Variants in ENPP1 observed in about 807,000 individuals in gnomAD.
ENPP1 encodes the protein ectonucleotide pyrophosphatase/phosphodiesterase 1.
ENPP1 carries 73 observed loss-of-function variants against 122.8 expected under a neutral mutation model. That is an observed-to-expected ratio of 0.59 (90% CI 0.49 to 0.72). ENPP1 has a LOEUF of 0.72. Among genes scored for constraint, ENPP1 ranks in the 30% least tolerant of loss-of-function variants. ENPP1 has a pLI of 0.00. For missense variants in ENPP1, 978 were observed against 1,128.1 expected, an observed-to-expected ratio of 0.87 and a Z score of 1.91; for synonymous variants, 367 against 391.6, an observed-to-expected ratio of 0.94 and a Z score of 0.74.
In ENPP1 at chr6:131,822,288, C is replaced by T. The variant is rs1281924467; in HGVS notation, c.240+14013C>T. Among the ~76,000 whole-genome samples the T allele has an allele frequency of 2.6e-5, 4 of 152,268 alleles. No individual in the cohort carries two copies. In the East Asian group the frequency reaches 7.7e-4, roughly 29 times the overall value. Reference sequence around the variant, plus strand: ...AGCAAAGGTCTTCAGAGACAGGGTTCATGTAAAGGGTCTAAACGGGAATCA... The same window carrying T: ...AGCAAAGGTCTTCAGAGACAGGGTTTATGTAAAGGGTCTAAACGGGAATCA... On this transcript the variant is annotated intron_variant, in intron 1 of 24. Transcript: ENST00000647893.
intron 11 of ENPP1, 117 bp from the exon 12 acceptor site, chr6:131,867,901 G>A (rs920229154): frequency 1.1e-5 from 8 of 750,112 alleles, no homozygotes; most frequent in African/African-American, 5.4e-5. Context: ...CTATCTGTCT[G>A]TCTTTCTTTC....
chr6:131,820,711 GAGATGAAAAAATCAT>G (rs1781474648), intron 1 of ENPP1: 1 of 152,122 alleles, frequency 6.6e-6, no homozygotes, highest in African/African-American at 2.4e-5. Context: ...CCCCATGTTA[GAGATGAAAAAATCAT>G]GGCTCAGAGA....
intron 1 of ENPP1, among the ~76,000 whole-genome samples, chr6:131,840,454 C>T (rs1314988834): frequency 1.3e-5 from 2 of 152,162 alleles, no homozygotes; most frequent in Non-Finnish European, 1.5e-5. Flanking sequence ...TGTACTATCC[C>T]TTTGGAAGAA....
At chr6:131,877,767 A>AGGT (rs1782249158) in intron 18 of ENPP1, 1 of 134,104 alleles carries the variant, frequency 7.5e-6, no homozygotes, top group Admixed American at 8.1e-5. Flanking sequence ...TGAACCTGGG[A>AGGT]GGCGGAGGTT....
chr6:131,855,870 C>T (rs754747691), intron 6 of ENPP1, among the ~76,000 whole-genome samples: 62 of 151,366 alleles, frequency 4.1e-4, no homozygotes, highest in African/African-American at 1.4e-3. Context: ...TTTTAAATCA[C>T]GTTAACAACC....
chr6:131,822,572 A>G (rs1781495595), intron 1 of ENPP1, among the ~76,000 whole-genome samples: 1 of 151,430 alleles, frequency 6.6e-6, no homozygotes, highest in Non-Finnish European at 1.5e-5. Context: ...CTATGTGTAC[A>G]TATCACTTTT....
rs535777915 is a variant in ENPP1, at chr6:131,850,480, C to T, written c.430+374C>T. On this transcript the variant is annotated intron_variant, in intron 3 of 24. Coordinates refer to ENST00000647893, the MANE Select transcript of ENPP1 (RefSeq NM_006208.3). ...CCTATATTTTTCAAAATAAAACTATCAGAATATGAAAATTTTCTTAGTTAG... is the reference window on the plus strand; with the variant it reads ...CCTATATTTTTCAAAATAAAACTATTAGAATATGAAAATTTTCTTAGTTAG... Among the ~76,000 whole-genome samples, 78 of 152,248 alleles carry T rather than the reference C, an allele frequency of 5.1e-4. 1 individual carries two copies. The highest frequency in any genetic ancestry group is 1.8e-3 in the African/African-American group (75 of 41,556).
chr6:131,830,914 C>T (rs1017668447), intron 1 of ENPP1, among the ~76,000 whole-genome samples: 4 of 151,578 alleles, frequency 2.6e-5, no homozygotes, highest in African/African-American at 9.7e-5. Context: ...AGTTCAAGAC[C>T]AGCCGTGGCA....
rs763240008 is a variant in ENPP1 at position 131,808,153 on chromosome 6, C to G, written c.118C>G (p.Pro40Ala). Residue 40 changes from proline to alanine, a missense_variant, in exon 1 of 25, where the codon CCC (proline) becomes GCC (alanine). Physicochemically the swap from Pro to Ala is conservative, Grantham distance 27 (BLOSUM62 -1). Transcript: ENST00000647893. ...GGGCCGCAGCCACGCTGCCGAGGCG[C>G]CCGGGGACCCGCAGGCGGCCGCGTC... ...DRGRSHAAEA[P>A]GDPQAAASLL... The G allele has an allele frequency of 6.9e-7, 1 of 1,447,740 alleles. No homozygotes were observed. The allele number at this position is 1,447,740 out of a possible 1,614,324, so 89.7% of individuals were successfully genotyped here.
intron 19 of ENPP1, among the ~76,000 whole-genome samples, 161 bp from the exon 20 acceptor site, chr6:131,879,719 C>CTTAA (rs1489837105): frequency 2.0e-5 from 3 of 152,052 alleles, no homozygotes; most frequent in African/African-American, 7.2e-5. Context: ...CACTTGTCTT[C>CTTAA]TTAATTGTTT....
chr6:131,836,234 T>A (rs1781672515), intron 1 of ENPP1, among the ~76,000 whole-genome samples: 1 of 152,028 alleles, frequency 6.6e-6, no homozygotes, highest in Admixed American at 6.6e-5. Flanking sequence ...TGCCTCAGCC[T>A]CCCTAGTAGC....
chr6:131,888,626 T>C (rs919177399), intron 24 of ENPP1, among the ~76,000 whole-genome samples: 3 of 152,212 alleles, frequency 2.0e-5, no homozygotes, highest in Non-Finnish European at 2.9e-5. Flanking sequence ...ACTTTCAGAA[T>C]TACTTGTTCC....
At chr6:131,852,409 T>C (rs756023236) in intron 5 of ENPP1, among the ~76,000 whole-genome samples, 174 bp downstream of exon 5, 22 of 152,198 alleles carry the variant, frequency 1.4e-4, no homozygotes, top group Non-Finnish European at 8.8e-5. Context: ...TTTTGGACTT[T>C]TTTGGATTTT....
intron 1 of ENPP1, among the ~76,000 whole-genome samples, chr6:131,831,071 C>T (rs530985173): frequency 5.7e-5 from 8 of 141,452 alleles, no homozygotes; most frequent in South Asian, 4.6e-4. Flanking sequence ...CAAGATCATG[C>T]CACTGCACTC....
At chr6:131,872,686 G>A (rs1305968079) in intron 14 of ENPP1, among the ~76,000 whole-genome samples, 1 of 151,858 alleles carries the variant, frequency 6.6e-6, no homozygotes, top group African/African-American at 2.4e-5. Flanking sequence ...GATTTACCTT[G>A]TACATTATAT....
rs762920235 is a variant in ENPP1 at position 131,879,944 on chromosome 6, C to T, written c.2010C>T (p.Thr670=). ...CTAGAGTTCTCCAGAAGGAAAACAC[C>T]ATCTGTCTTCTTTCCCAGCACCAGT... The part of the protein sequence containing the change: ...GRPRVLQKEN[T]ICLLSQHQFM... Residue 670 remains threonine (T), a synonymous_variant, in exon 20 of 25, where the codon ACC becomes ACT. Transcript: ENST00000647893. 19 of 1,612,998 alleles carry T rather than the reference C, an allele frequency of 1.2e-5. No homozygotes were observed. The Admixed American group carries it at 3.2e-4, about 27-fold the overall frequency.
chr6:131,873,105 G>A, intron 15 of ENPP1, 55 bp downstream of exon 15: 2 of 1,582,414 alleles, frequency 1.3e-6, no homozygotes, highest in South Asian at 1.1e-5. Flanking sequence ...GTGATTCAGG[G>A]TAACCATTGG....
intron 1 of ENPP1, among the ~76,000 whole-genome samples, chr6:131,846,149 C>T (rs1175987594): frequency 1.3e-5 from 2 of 152,268 alleles, no homozygotes; most frequent in Non-Finnish European, 2.9e-5. Context: ...AGTACATAGT[C>T]CGTACTCAAT....
At chr6:131,884,733 C>G (rs1782354200) in intron 22 of ENPP1, among the ~76,000 whole-genome samples, 198 bp from the exon 23 acceptor site, 1 of 152,146 alleles carries the variant, frequency 6.6e-6, no homozygotes, top group Non-Finnish European at 1.5e-5. Flanking sequence ...TATGATTGTG[C>G]CACTGCACTC....
Sources: allele counts gnomAD v4.1 joint callset (sites outside exome capture counted in the v4.1 genomes callset), GRCh38; gene constraint gnomAD v4.1.1; transcripts MANE v1.5; gene names NCBI Gene and HGNC (gene_info 2026-07-23, HGNC 2026-07-21).